The following ARRB1 variants were observed in gnomAD, a reference collection of about 807,000 sequenced individuals.
The protein encoded by ARRB1 is arrestin beta 1.
In ARRB1, 21 loss-of-function variants were observed where a neutral mutation model predicts 56.8. That is an observed-to-expected ratio of 0.37 (90% confidence interval 0.26 to 0.53). The LOEUF is 0.53. Among genes scored for constraint, ARRB1 ranks in the 20% least tolerant of loss-of-function variants. The pLI, the probability that ARRB1 is intolerant of heterozygous loss-of-function variation, is 0.88. For synonymous variants in ARRB1, 210 were observed against 218.6 expected (o/e 0.96, Z 0.35); for missense variants, 424 against 553.7 (o/e 0.77, Z 2.35).
At chr11:75,276,762 C>A (rs1369876320) in intron 10 of ARRB1, 77 bp downstream of exon 10, 3 of 1,476,230 alleles carry the variant, frequency 2.0e-6, no homozygotes, top group Non-Finnish European at 9.4e-7. Flanking sequence ...GCCACCTGGA[C>A]CTGTAACAGG....
intron 2 of ARRB1, among the ~76,000 whole-genome samples, chr11:75,288,698 C>G (rs979182383): frequency 9.9e-5 from 15 of 151,916 alleles, no homozygotes; most frequent in Non-Finnish European, 2.2e-4. Context: ...TCACTGCAAC[C>G]TCTACCTCCC....
intron 11 of ARRB1, 122 bp from the exon 12 acceptor site, chr11:75,273,100 A>G (rs1591895542): frequency 1.3e-6 from 1 of 786,084 alleles, no homozygotes; most frequent in East Asian, 2.7e-5. Context: ...CTCAGCTACC[A>G]TGTCCAATAG....
chr11:75,302,259 C>T lies in ARRB1; in HGVS notation c.21-12220G>A, dbSNP rs373356730. Among the ~76,000 whole-genome samples, 8 of 152,280 alleles carry T rather than the reference C, an allele frequency of 5.3e-5. No homozygotes were observed. In the South Asian group the frequency reaches 1.4e-3, roughly 28 times the overall value. Reference sequence around the variant, plus strand: ...GCAGACTTCCCACAGACTTCTAGGCCGACAGCAATTCCCCAAGCCTCCTGC... The same window carrying T: ...GCAGACTTCCCACAGACTTCTAGGCTGACAGCAATTCCCCAAGCCTCCTGC... On this transcript the variant is annotated intron_variant, in intron 1 of 15. Coordinates refer to ENST00000420843, the MANE Select transcript of ARRB1 (RefSeq NM_004041.5).
chr11:75,333,538 T>C (rs1454513733), intron 1 of ARRB1, among the ~76,000 whole-genome samples: 1 of 152,158 alleles, frequency 6.6e-6, no homozygotes, highest in Non-Finnish European at 1.5e-5. Flanking sequence ...ATGAGGGTCA[T>C]GGGGCAGGAG....
chr11:75,333,406 T>C (rs1947550593), intron 1 of ARRB1, among the ~76,000 whole-genome samples: 1 of 152,190 alleles, frequency 6.6e-6, no homozygotes, highest in African/African-American at 2.4e-5. Flanking sequence ...CAGGGTGTAT[T>C]GAAGGCATTG....
At chr11:75,348,775 T>G (rs1238961088) in intron 1 of ARRB1, among the ~76,000 whole-genome samples, 1 of 152,082 alleles carries the variant, frequency 6.6e-6, no homozygotes, top group Non-Finnish European at 1.5e-5. Flanking sequence ...TTTTTGTGTT[T>G]TTTGTAGAGA....
chr11:75,285,690 G>A (rs1026297127), intron 3 of ARRB1, among the ~76,000 whole-genome samples: 8 of 152,100 alleles, frequency 5.3e-5, no homozygotes, highest in East Asian at 1.9e-4. Context: ...CAGAGTTCTC[G>A]GGGATACCAG....
chr11:75,277,255 G>T, intron 9 of ARRB1, 109 bp downstream of exon 9: 2 of 1,168,766 alleles, frequency 1.7e-6, no homozygotes, highest in Non-Finnish European at 2.5e-6. Flanking sequence ...GGGCTTCAGT[G>T]GCTATTTTTT....
At chr11:75,321,459 C>T (rs932823734) in intron 1 of ARRB1, among the ~76,000 whole-genome samples, 4 of 152,144 alleles carry the variant, frequency 2.6e-5, no homozygotes, top group South Asian at 2.1e-4. Context: ...CGGAAACCAC[C>T]TTCCTTACAC....
At chr11:75,274,664 C>T (rs1180259153) in intron 10 of ARRB1, 6 of 155,950 alleles carry the variant, frequency 3.8e-5, no homozygotes, top group African/African-American at 7.3e-5. Context: ...TGGTGGTGGA[C>T]GCCTGTAGTT....
intron 2 of ARRB1, among the ~76,000 whole-genome samples, chr11:75,288,668 T>C (rs1174797579): frequency 6.7e-6 from 1 of 150,126 alleles, no homozygotes; most frequent in African/African-American, 2.5e-5. Context: ...CAGGCTGGAG[T>C]GCAGTGGTGC....
chr11:75,287,790 T>C (rs936321232), intron 2 of ARRB1, among the ~76,000 whole-genome samples: 1 of 152,210 alleles, frequency 6.6e-6, no homozygotes, highest in African/African-American at 2.4e-5. Flanking sequence ...GGCCGCGCTG[T>C]GTTCTTCAGT....
In ARRB1 at chr11:75,281,778, C is replaced by T. The variant is rs1946349255; in HGVS notation, c.414+184G>A. ...CTGAATGGGAGAGTGAGGCTGACCC[C>T]GTACCTGCTGCCCTGTCTGAAGAGA... On this transcript the variant is annotated intron_variant, in intron 6 of 15. Transcript: ENST00000420843. 1.4e-5 allele frequency: 9 copies of T among 631,650 alleles called. No individual in the cohort carries two copies. In the South Asian group the frequency reaches 1.6e-4, roughly 11 times the overall value. 39.1% of individuals were successfully genotyped at this position (631,650 alleles called of 1,614,324 possible). A position where few individuals can be genotyped will look rare whatever the true frequency, so the allele number is the denominator to read the frequency against.
At chr11:75,343,962 C>T (rs1017730180) in intron 1 of ARRB1, among the ~76,000 whole-genome samples, 1 of 152,048 alleles carries the variant, frequency 6.6e-6, no homozygotes, top group Non-Finnish European at 1.5e-5. Flanking sequence ...ACTACAGGCG[C>T]CCGCCACCAC....
chr11:75,278,137 C>G (rs1190442430), intron 8 of ARRB1, among the ~76,000 whole-genome samples: 1 of 152,230 alleles, frequency 6.6e-6, no homozygotes, highest in Non-Finnish European at 1.5e-5. Flanking sequence ...GTGCCCACAC[C>G]TTGAGGAGGG....
rs111561448 is a variant in ARRB1 at position 75,317,284 on chromosome 11, G to A, written c.21-27245C>T. ...TCAGGAAGATGAGGCCCCCAAAGCA[G>A]CCTCTCACCCACCCTTAGCCCCTAT... On this transcript the variant is annotated intron_variant, in intron 1 of 15. Coordinates refer to ENST00000420843, the MANE Select transcript of ARRB1 (RefSeq NM_004041.5). 8.6e-3 allele frequency among the ~76,000 whole-genome samples: 1,306 copies of A among 152,132 alleles called. 20 individuals are homozygous for A. Among genetic ancestry groups the A allele is most frequent in the African/African-American group, 0.031 (1,266 of 41,490 alleles).
rs574221802 is a variant in ARRB1 at position 75,278,648 on chromosome 11, C to G, written c.579G>C (p.Ser193=). 1.2e-6 allele frequency: 2 copies of G among 1,614,144 alleles called. No homozygotes were observed. The highest frequency in any genetic ancestry group is 1.1e-5 in the South Asian group (1 of 91,072). The change falls in exon 8 of 16, where the codon TCG becomes TCC. Residue 193 remains serine (S), a synonymous_variant. Coordinates refer to ENST00000420843, the MANE Select transcript of ARRB1 (RefSeq NM_004041.5). Reference sequence around the variant, plus strand: ...AGGCTTCTAGGTGCAAGGGCTTGTCCGACATGAGGAACTGCCTGGTGGTCT... The same window carrying G: ...AGGCTTCTAGGTGCAAGGGCTTGTCGGACATGAGGAACTGCCTGGTGGTCT... ...TAETTRQFLM[S]DKPLHLEASL...
chr11:75,304,336 T>G lies in ARRB1; in HGVS notation c.21-14297A>C, dbSNP rs568320111. On this transcript the variant is annotated intron_variant, in intron 1 of 15. Coordinates refer to ENST00000420843, the MANE Select transcript of ARRB1 (RefSeq NM_004041.5). Reference sequence around the variant, plus strand: ...GACTCTGTGTCCACTGCTCTGTGGATCAGTCAGTAAGCCGAGAGGGTTCTC... The same window carrying G: ...GACTCTGTGTCCACTGCTCTGTGGAGCAGTCAGTAAGCCGAGAGGGTTCTC... 6.2e-4 allele frequency among the ~76,000 whole-genome samples: 95 copies of G among 152,156 alleles called. 2 individuals carry two copies. Among genetic ancestry groups the G allele is most frequent in the African/African-American group, 2.2e-3 (92 of 41,496 alleles).
intron 1 of ARRB1, among the ~76,000 whole-genome samples, chr11:75,349,103 C>G (rs567010979): frequency 1.3e-5 from 2 of 152,202 alleles, no homozygotes; most frequent in Non-Finnish European, 2.9e-5. Flanking sequence ...AGACAAGGTA[C>G]AGCCCATTAC....
Sources: allele counts gnomAD v4.1 joint callset (sites outside exome capture counted in the v4.1 genomes callset), GRCh38; gene constraint gnomAD v4.1.1; transcripts MANE v1.5; gene names NCBI Gene and HGNC (gene_info 2026-07-23, HGNC 2026-07-21).